Variants in C21orf58 observed in about 807,000 individuals in gnomAD.
The protein encoded by C21orf58 is chromosome 21 open reading frame 58, also known as uncharacterized protein C21orf58.
C21orf58 carries 34 observed loss-of-function variants against 35.8 expected under a neutral mutation model. That is an observed-to-expected ratio of 0.95 (90% confidence interval 0.72 to 1.26). The LOEUF is 1.26. C21orf58 is among the 50% of genes most tolerant of loss of function. The probability of loss-of-function intolerance (pLI) is 0.00; values close to 1 mark genes in which losing one functional copy is unlikely to be tolerated. For synonymous variants in C21orf58, 191 were observed against 175.8 expected (o/e 1.09, Z -0.68); for missense variants, 440 against 414.3 (o/e 1.06, Z -0.54).
chr21:46,301,991 A>G lies in C21orf58; in HGVS notation c.*8T>C. On this transcript the variant is annotated 3_prime_UTR_variant, in exon 8 of 8. Coordinates refer to ENST00000291691, the MANE Select transcript of C21orf58 (RefSeq NM_058180.5). ...GGGTGCCCCGGCCAGGGTCTCTGTG[A>G]CTCACACTCAGGGTGGGCCAGGCGT... The G allele has an allele frequency of 6.6e-7, 1 of 1,520,182 alleles. No homozygotes were observed. The highest frequency in any genetic ancestry group is 8.8e-7 in the Non-Finnish European group (1 of 1,134,332). 94.2% of individuals were successfully genotyped at this position (1,520,182 alleles called of 1,614,324 possible).
intron 5 of C21orf58, among the ~76,000 whole-genome samples, chr21:46,312,470 C>G (rs1334307372): frequency 2.0e-5 from 3 of 152,158 alleles, no homozygotes; most frequent in Non-Finnish European, 4.4e-5. Flanking sequence ...AGGCGCCTGC[C>G]ACCACGCCCG....
Position 46,311,150 on chromosome 21 carries a change from G to A in C21orf58, c.721+306C>T, listed in dbSNP as rs114449155. Among the ~76,000 whole-genome samples, 472 of 152,204 alleles carry A rather than the reference G, an allele frequency of 3.1e-3. 1 individual carries two copies. The highest frequency in any genetic ancestry group is 0.01 in the African/African-American group (425 of 41,540). On this transcript the variant is annotated intron_variant, in intron 6 of 7. Transcript: ENST00000291691. ...GCCTCCCAGTGTTGGGATTACAAGC[G>A]TGAGCCACCGAGCCGGGCCCTAAAA...
At chr21:46,315,045 G>A (rs2082919746) in intron 4 of C21orf58, 165 bp from the exon 5 acceptor site, 1 of 1,519,814 alleles carries the variant, frequency 6.6e-7, no homozygotes, top group Non-Finnish European at 8.8e-7. Flanking sequence ...CATGAGGGTG[G>A]CCTCCTGAAA....
intron 5 of C21orf58, among the ~76,000 whole-genome samples, chr21:46,313,340 G>A (rs1364814833): frequency 6.6e-6 from 1 of 152,192 alleles, no homozygotes; most frequent in Non-Finnish European, 1.5e-5. Context: ...GAGAATAGGA[G>A]GCAGGCCAGC....
rs146236935 is a variant in C21orf58, at chr21:46,314,705, C to T, written c.609+11G>A. The T allele has an allele frequency of 4.6e-5, 67 of 1,443,086 alleles. No individual in the cohort carries two copies. The African/African-American group carries it at 5.3e-4, about 11-fold the overall frequency. 89.4% of individuals were successfully genotyped at this position (1,443,086 alleles called of 1,614,324 possible). A position where few individuals can be genotyped will look rare whatever the true frequency, so the allele number is the denominator to read the frequency against. ...CACTCTCAGATGTGCTCCTCGACTT[C>T]GCCCTCTTACCGTAGGCAGGATGAT... is the stretch of plus-strand genomic sequence containing the variant. On this transcript the variant is annotated intron_variant, in intron 5 of 7. Coordinates refer to ENST00000291691, the MANE Select transcript of C21orf58 (RefSeq NM_058180.5).
At position 46,308,644 on chromosome 21, in the gene C21orf58, A is replaced by G. The variant is rs566044559; in HGVS notation, c.721+2812T>C. On this transcript the variant is annotated intron_variant, in intron 6 of 7. Coordinates refer to ENST00000291691, the MANE Select transcript of C21orf58 (RefSeq NM_058180.5). ...TACTGTGGTTGGAACTTAATCCTCA[A>G]TGTGGCAGTATTGAGAGGTGGGGCC... Among the ~76,000 whole-genome samples the G allele has an allele frequency of 3.3e-5, 5 of 152,056 alleles. No homozygotes were observed. In the East Asian group the frequency reaches 7.7e-4, roughly 23 times the overall value.
In C21orf58 at chr21:46,301,961, G is replaced by T; in HGVS notation, c.*38C>A. ...CCCACAGCCCTGAGGAAGCCTGGGG[G>T]TGGAGGGTGCCCCGGCCAGGGTCTC... On this transcript the variant is annotated 3_prime_UTR_variant, in exon 8 of 8. Coordinates refer to ENST00000291691, the MANE Select transcript of C21orf58 (RefSeq NM_058180.5). 1 of 1,479,488 alleles carries T rather than the reference G, an allele frequency of 6.8e-7. No individual in the cohort carries two copies. The allele number at this position is 1,479,488 out of a possible 1,614,324, so 91.6% of individuals were successfully genotyped here.
chr21:46,310,495 AAT>A (rs1194548559), intron 6 of C21orf58, among the ~76,000 whole-genome samples: 33 of 147,730 alleles, frequency 2.2e-4, no homozygotes, highest in African/African-American at 8.3e-4. Context: ...AAAAAATAAA[AAT>A]AAAAAAAAAA....
chr21:46,319,956 C>T (rs2083100231), intron 1 of C21orf58, among the ~76,000 whole-genome samples: 1 of 152,026 alleles, frequency 6.6e-6, no homozygotes. Context: ...GAACCTGGCT[C>T]TTGTCCACAG....
rs113833376 is a variant in C21orf58, at chr21:46,314,779, G to A, written c.546C>T (p.Gly182=). The change falls in exon 5 of 8, where the codon GGC becomes GGT. Residue 182 remains glycine, a synonymous_variant. Coordinates refer to ENST00000291691, the MANE Select transcript of C21orf58 (RefSeq NM_058180.5). ...GGGATGGGGAGGCAGTGGGTAGGAT[G>A]CCCGTGGGGGGCAGCTCTGGGGGCA... ...SALPPELPPT[G]ILPTASPSPL... 1.5e-4 allele frequency: 227 copies of A among 1,524,896 alleles called. 2 individuals carry two copies. In the African/African-American group the frequency reaches 2.7e-3, roughly 18 times the overall value. 94.5% of individuals were successfully genotyped at this position (1,524,896 alleles called of 1,614,324 possible). A position where few individuals can be genotyped will look rare whatever the true frequency, so the allele number is the denominator to read the frequency against.
Position 46,317,234 on chromosome 21 carries a change from C to T in C21orf58, c.344G>A (p.Gly115Glu). Residue 115 changes from glycine to glutamate, a missense_variant, in exon 3 of 8, where the codon GGA becomes GAA. By Grantham distance (98) the Gly-to-Glu change is moderately conservative (BLOSUM62 -2). Coordinates refer to ENST00000291691, the MANE Select transcript of C21orf58 (RefSeq NM_058180.5). ...TGGCTCGAGGTGGAGGCCCTCAGGT[C>T]CCCCTTCCACGTTCTGCCGTTCTTG... Reference protein sequence around the residue: ...LEQERQNVEGGPEGLHLEPGN... With the variant: ...LEQERQNVEGEPEGLHLEPGN... The T allele has an allele frequency of 6.2e-7, 1 of 1,611,720 alleles. No homozygotes were observed. Among genetic ancestry groups the T allele is most frequent in the Non-Finnish European group, 8.5e-7 (1 of 1,179,662 alleles).
intron 1 of C21orf58, among the ~76,000 whole-genome samples, chr21:46,321,316 G>C (rs910075137): frequency 6.6e-6 from 1 of 152,058 alleles, no homozygotes; most frequent in African/African-American, 2.4e-5. Context: ...CTACAGGTAC[G>C]TGCCATCATG....
chr21:46,313,689 G>A (rs2082842787), intron 5 of C21orf58, among the ~76,000 whole-genome samples: 1 of 152,204 alleles, frequency 6.6e-6, no homozygotes, highest in South Asian at 2.1e-4. Context: ...CACAGGCTGG[G>A]AATATCCAGA....
Position 46,302,539 on chromosome 21 carries a change from C to T in C21orf58, c.759G>A (p.Val253=), listed in dbSNP as rs1334642115. 2 of 1,612,648 alleles carry T rather than the reference C, an allele frequency of 1.2e-6. No homozygotes were observed. The highest frequency in any genetic ancestry group is 1.7e-5 in the Admixed American group (1 of 59,874). ...TCCAGTTCTGCAGGACCAACTGGTGCACCTGTGCGTTCTGCAGCAGCAGCA... is the reference window on the plus strand; with the variant it reads ...TCCAGTTCTGCAGGACCAACTGGTGTACCTGTGCGTTCTGCAGCAGCAGCA... ...VELLLLQNAQ[V]HQLVLQNWML... is the part of the protein sequence containing the mutation. Residue 253 remains valine (V), a synonymous_variant, in exon 7 of 8, where the codon GTG becomes GTA. Transcript: ENST00000291691.
chr21:46,316,062 T>C (rs780968667), intron 3 of C21orf58, among the ~76,000 whole-genome samples: 22 of 151,956 alleles, frequency 1.4e-4, no homozygotes, highest in African/African-American at 3.4e-4. Flanking sequence ...ACTGGGAGGA[T>C]TGCTTGATCC....
At chr21:46,317,355 G>C (rs1314094799) in intron 2 of C21orf58, 87 bp from the exon 3 acceptor site, 1 of 1,549,818 alleles carries the variant, frequency 6.5e-7, no homozygotes, top group Non-Finnish European at 8.7e-7. Context: ...CTTTCTGAGT[G>C]AAAAGAATGG....
intron 1 of C21orf58, chr21:46,318,745 T>TCA: frequency 1.0e-6 from 1 of 996,998 alleles, no homozygotes; most frequent in Non-Finnish European, 1.2e-6. Flanking sequence ...GGGCTGGGCT[T>TCA]TAGCAGGACC....
In C21orf58 at chr21:46,302,526, G is replaced by A. The variant is rs1200525370; in HGVS notation, c.772C>T (p.Leu258=). Residue 258 remains leucine (L), a synonymous_variant, in exon 7 of 8, where the codon CTG becomes TTG. Coordinates refer to ENST00000291691, the MANE Select transcript of C21orf58 (RefSeq NM_058180.5). ...AGGGCCTTGAGCATCCAGTTCTGCA[G>A]GACCAACTGGTGCACCTGTGCGTTC... The part of the protein sequence containing the change: ...LQNAQVHQLV[L]QNWMLKALPP... 2 of 1,612,514 alleles carry A rather than the reference G, an allele frequency of 1.2e-6. No individual in the cohort carries two copies. Among genetic ancestry groups the A allele is most frequent in the Admixed American group, 1.7e-5 (1 of 59,874 alleles).
At chr21:46,300,644 C>T (rs1003635751), downstream of C21orf58, 5 of 1,242,084 alleles carry the variant, frequency 4.0e-6, no homozygotes, top group Non-Finnish European at 4.1e-6. Context: ...CCTGCCCGTC[C>T]ATGTCAGCAC....
Sources: gnomAD v4.1 joint callset for allele counts (sites outside exome capture counted in the v4.1 genomes callset) on GRCh38, gnomAD v4.1.1 for gene constraint, MANE v1.5 for transcripts, NCBI Gene and HGNC (gene_info 2026-07-23, HGNC 2026-07-21) for gene names.